Variants in FYCO1 observed in about 807,000 individuals in gnomAD.
The protein encoded by FYCO1 is FYVE and coiled-coil domain autophagy adaptor 1, also known as FYVE and coiled-coil domain-containing protein 1.
FYCO1 carries 122 observed loss-of-function variants against 165.1 expected under a neutral mutation model. The ratio of observed to expected loss-of-function variants is 0.74; its 90% CI spans 0.64 to 0.86. The LOEUF (loss-of-function observed/expected upper bound fraction) is 0.86. FYCO1 is among the 40% of genes least tolerant of loss of function. FYCO1 has a pLI of 0.00. For missense variants in FYCO1, 1,702 were observed against 1,810.3 expected, an observed-to-expected ratio of 0.94 and a Z score of 1.09; for synonymous variants, 648 against 742.5, an observed-to-expected ratio of 0.87 and a Z score of 2.07.
chr3:45,966,332 T>C lies in FYCO1; in HGVS notation c.3002A>G (p.Asn1001Ser). 6.2e-7 allele frequency: 1 copy of C among 1,614,230 alleles called. No homozygotes were observed. The highest frequency in any genetic ancestry group is 8.5e-7 in the Non-Finnish European group (1 of 1,180,024). ...AGCACTCAGCTGGAACTTGAGGGTG[T>C]TGAGCTCCTGGTGTGCAGCCTCTTG... Reference protein sequence around the residue: ...SLQEAAHQELNTLKFQLSAEI... With the variant: ...SLQEAAHQELSTLKFQLSAEI... Residue 1001 changes from asparagine (N) to serine (S), a missense_variant, in exon 8 of 18, where the codon AAC becomes AGC. Coordinates refer to ENST00000296137, the MANE Select transcript of FYCO1 (RefSeq NM_024513.4).
chr3:45,936,559 T>G lies in FYCO1; in HGVS notation c.3945-16A>C. On this transcript the variant is annotated splice_polypyrimidine_tract_variant and intron_variant, in intron 14 of 17. Transcript: ENST00000296137. The stretch of plus-strand genomic sequence containing the variant: ...TGTAGTATCCCTGAAATGTCACAAA[T>G]GAGAACACAGTCATTTAGCTATCAA... The G allele has an allele frequency of 6.4e-7, 1 of 1,563,586 alleles. No individual in the cohort carries two copies. Among genetic ancestry groups the G allele is most frequent in the South Asian group, 1.1e-5 (1 of 90,098 alleles).
In FYCO1 at chr3:45,931,063, A is replaced by G. The variant is rs1264385719; in HGVS notation, c.4251+8T>C. The stretch of plus-strand genomic sequence containing the variant: ...TAAGGAGCCCACAGGCAGGGAGCCC[A>G]GCCTTACCTTACACTGATCCAGCGG... On this transcript the variant is annotated splice_region_variant and intron_variant, in intron 16 of 17. Coordinates refer to ENST00000296137, the MANE Select transcript of FYCO1 (RefSeq NM_024513.4). 1 of 1,611,172 alleles carries G rather than the reference A, an allele frequency of 6.2e-7. No homozygotes were observed. The highest frequency in any genetic ancestry group is 2.2e-5 in the East Asian group (1 of 44,870).
At chr3:45,948,644 T>C (rs561745968) in intron 14 of FYCO1, among the ~76,000 whole-genome samples, 2 of 152,346 alleles carry the variant, frequency 1.3e-5, no homozygotes, top group East Asian at 1.9e-4. Context: ...GTCTGTTCAA[T>C]AGGCTTAAAG....
intron 1 of FYCO1, among the ~76,000 whole-genome samples, chr3:45,991,986 C>T (rs1707582412): frequency 6.6e-6 from 1 of 152,208 alleles, no homozygotes; most frequent in Admixed American, 6.5e-5. Context: ...AGAGGAAAAG[C>T]CGTGTGAGGC....
rs1303940333 is a variant in FYCO1 at position 45,964,558 on chromosome 3, TAA to T, written c.3151-106_3151-105del. 4 of 1,563,980 alleles carry T rather than the reference TAA, an allele frequency of 2.6e-6. No individual in the cohort carries two copies. In the African/African-American group the frequency reaches 5.4e-5, roughly 21 times the overall value. ...CCACCCCATCTGGCTGGGTCACTTC[TAA>T]ATGGAGGGTTGTTTCCTATTAAGTT... On this transcript the variant is annotated intron_variant, in intron 9 of 17. Coordinates refer to ENST00000296137, the MANE Select transcript of FYCO1 (RefSeq NM_024513.4). This position sits in a 1 kb window ranked among gnomAD's most constrained non-coding sequence, Gnocchi z 4.1.
chr3:45,928,140 T>C (rs2125793410), intron 16 of FYCO1, among the ~76,000 whole-genome samples: 1 of 152,306 alleles, frequency 6.6e-6, no homozygotes, highest in East Asian at 1.9e-4. Flanking sequence ...TTTGGAGTGA[T>C]GGAAAGAATC....
Position 45,967,795 on chromosome 3 carries a change from C to T in FYCO1, c.1539G>A (p.Arg513=). The change falls in exon 8 of 18, where the codon CGG becomes CGA. Residue 513 remains arginine (R), a synonymous_variant. Transcript: ENST00000296137. ...LLEQEVRSLT[R]QLQFLETQLA... ...GCTGGGTCTCCAGGAACTGCAGCTG[C>T]CGGGTCAGAGACCTGACCTCCTGCT... is the stretch of plus-strand genomic sequence containing the variant. The T allele has an allele frequency of 6.2e-7, 1 of 1,613,942 alleles. No homozygotes were observed. Among genetic ancestry groups the T allele is most frequent in the Non-Finnish European group, 8.5e-7 (1 of 1,180,032 alleles).
intron 4 of FYCO1, among the ~76,000 whole-genome samples, chr3:45,976,385 G>A (rs1403737619): frequency 6.6e-6 from 1 of 152,214 alleles, no homozygotes. Context: ...TGGAATAAAA[G>A]GGACAGCCAC....
At chr3:45,984,834 C>T in intron 2 of FYCO1, 22 bp downstream of exon 2, 1 of 1,614,060 alleles carries the variant, frequency 6.2e-7, no homozygotes, top group Non-Finnish European at 8.5e-7. Context: ...CCAAACTCAG[C>T]CTGCCCAGCA....
At chr3:45,932,443 G>A (rs1055093673) in intron 15 of FYCO1, among the ~76,000 whole-genome samples, 1 of 152,202 alleles carries the variant, frequency 6.6e-6, no homozygotes, top group African/African-American at 2.4e-5. Flanking sequence ...CTACAAAAGA[G>A]GAAACTAAGA....
chr3:45,924,979 G>C (rs1703251757), intron 16 of FYCO1, among the ~76,000 whole-genome samples: 1 of 151,570 alleles, frequency 6.6e-6, no homozygotes, highest in South Asian at 2.1e-4. Flanking sequence ...GCCCAGGCTA[G>C]AGTGCAGTGT....
Position 45,967,323 on chromosome 3 carries a change from G to A in FYCO1, c.2011C>T (p.Arg671Trp), listed in dbSNP as rs557643395. ...GCCTCCATCTGGTCACCCAAGTGCC[G>A]GATGCTGGCCTGCTCGGCCTCCAGG... ...ASLEAEQASI[R>W]HLGDQMEASL... is the part of the protein sequence containing the mutation. Residue 671 changes from arginine (R) to tryptophan (W), a missense_variant, in exon 8 of 18, where the codon CGG (arginine) becomes TGG (tryptophan). Transcript: ENST00000296137. 2.1e-5 allele frequency: 34 copies of A among 1,613,162 alleles called. No homozygotes were observed. The highest frequency in any genetic ancestry group is 2.2e-5 in the East Asian group (1 of 44,846).
intron 16 of FYCO1, among the ~76,000 whole-genome samples, chr3:45,927,637 G>A (rs1392981445): frequency 2.6e-5 from 4 of 152,176 alleles, no homozygotes; most frequent in African/African-American, 7.2e-5. Flanking sequence ...TTCTGCACAC[G>A]GCGTCTCATT....
At chr3:45,944,993 C>G (rs1704493737) in intron 14 of FYCO1, 1 of 152,134 alleles carries the variant, frequency 6.6e-6, no homozygotes, top group Non-Finnish European at 1.5e-5. Context: ...CCTTAGAGAT[C>G]TAACAATTGT....
intron 16 of FYCO1, 89 bp from the exon 17 acceptor site, chr3:45,923,854 A>C: frequency 1.1e-6 from 1 of 881,680 alleles, no homozygotes; most frequent in African/African-American, 1.6e-5. Flanking sequence ...TTGGGGTAGG[A>C]GGCTGAGTGT....
At chr3:45,980,488 C>T (rs1441453158) in intron 3 of FYCO1, among the ~76,000 whole-genome samples, 1 of 152,142 alleles carries the variant, frequency 6.6e-6, no homozygotes, top group Non-Finnish European at 1.5e-5. Flanking sequence ...CGTTTTAATA[C>T]ACCTACAATA....
At position 45,955,265 on chromosome 3, in the gene FYCO1, G is replaced by T; in HGVS notation, c.3928C>A (p.Pro1310Thr). 1 of 1,614,022 alleles carries T rather than the reference G, an allele frequency of 6.2e-7. No individual in the cohort carries two copies. ...TCTACTCACTGTTCAGCCGCATTTG[G>T]GTCGAGAGAATCAGTTTCAGTGGGT... ...ETPTETDSLDPNAAEQDTTST... is the reference protein window; with the variant it reads ...ETPTETDSLDTNAAEQDTTST... Residue 1310 changes from proline (P) to threonine (T), a missense_variant, in exon 14 of 18, where the codon CCA (proline) becomes ACA (threonine). Coordinates refer to ENST00000296137, the MANE Select transcript of FYCO1 (RefSeq NM_024513.4).
At chr3:45,980,929 T>G (rs1172319508) in intron 3 of FYCO1, among the ~76,000 whole-genome samples, 2 of 152,212 alleles carry the variant, frequency 1.3e-5, no homozygotes, top group Non-Finnish European at 2.9e-5. Flanking sequence ...TCTGCAGTGT[T>G]TTTTACATCA....
At chr3:45,952,861 G>T (rs1705107686) in intron 14 of FYCO1, among the ~76,000 whole-genome samples, 1 of 152,222 alleles carries the variant, frequency 6.6e-6, no homozygotes, top group Non-Finnish European at 1.5e-5. Context: ...CTTTCCAGGT[G>T]ATGGAGGCAG....
Sources: gnomAD v4.1 joint callset for allele counts (sites outside exome capture counted in the v4.1 genomes callset) on GRCh38, gnomAD v4.1.1 for gene constraint, Gnocchi (gnomAD v3.1) non-coding constraint, MANE v1.5 for transcripts, NCBI Gene and HGNC (gene_info 2026-07-23, HGNC 2026-07-21) for gene names.